WWC2: variants seen among roughly 807,000 people sequenced by gnomAD.
WWC2 encodes WW and C2 domain containing 2.
WWC2 carries 101 observed loss-of-function variants against 138.5 expected under a neutral mutation model. The ratio of observed to expected loss-of-function variants is 0.73; its 90% CI spans 0.62 to 0.86. WWC2 has a LOEUF of 0.86. WWC2 is among the 40% of genes least tolerant of loss of function. The pLI is 0.00. For missense variants in WWC2, 1,420 were observed against 1,419.4 expected (o/e 1.00, Z -0.01); for synonymous variants, 558 against 538.4 (o/e 1.04, Z -0.50).
chr4:183,120,237 T>G (rs905489051), intron 1 of WWC2, among the ~76,000 whole-genome samples: 3 of 152,224 alleles, frequency 2.0e-5, no homozygotes, highest in Non-Finnish European at 4.4e-5. Flanking sequence ...TGAAAGGGAA[T>G]GTATATAAAT....
intron 1 of WWC2, among the ~76,000 whole-genome samples, chr4:183,187,732 G>T (rs1159106133): frequency 6.6e-6 from 1 of 151,334 alleles, no homozygotes; most frequent in Non-Finnish European, 1.5e-5. Context: ...AATTAGCTGG[G>T]CGTGGTAGCG....
Position 183,113,007 on chromosome 4 carries a change from T to A in WWC2, c.131+13385T>A, listed in dbSNP as rs539809710. Among the ~76,000 whole-genome samples, 3 of 152,248 alleles carry A rather than the reference T, an allele frequency of 2.0e-5. No individual in the cohort carries two copies. The East Asian group carries it at 5.8e-4, about 30-fold the overall frequency. On this transcript the variant is annotated intron_variant, in intron 1 of 22. Coordinates refer to ENST00000403733, the MANE Select transcript of WWC2 (RefSeq NM_024949.6). ...ATTTAGTTCCGCCGGGCACGGTGGC[T>A]CATGCGTGTAATCCCAGCACTTTGG...
chr4:183,157,096 C>T (rs1733827761), intron 1 of WWC2, among the ~76,000 whole-genome samples: 1 of 152,208 alleles, frequency 6.6e-6, no homozygotes, highest in African/African-American at 2.4e-5. Context: ...ATAGGGCCTT[C>T]TTTCCCCTGG....
chr4:183,099,652 G>C (rs1456035891), intron 1 of WWC2, 30 bp downstream of exon 1: 1 of 1,271,138 alleles, frequency 7.9e-7, no homozygotes. Flanking sequence ...GCGCGGGCCC[G>C]TTCGGACACG....
At chr4:183,146,187 G>A (rs1424259308) in intron 1 of WWC2, among the ~76,000 whole-genome samples, 1 of 152,188 alleles carries the variant, frequency 6.6e-6, no homozygotes, top group African/African-American at 2.4e-5. Flanking sequence ...GAGGGCTCAT[G>A]CCAAGTGGGG....
chr4:183,106,654 AT>A (rs1350015716), intron 1 of WWC2, among the ~76,000 whole-genome samples: 2 of 152,172 alleles, frequency 1.3e-5, no homozygotes, highest in African/African-American at 4.8e-5. Flanking sequence ...TATTCTGGAC[AT>A]TTTATATAAA....
At chr4:183,276,548 A>G (rs905506887) in intron 16 of WWC2, among the ~76,000 whole-genome samples, 4 of 152,090 alleles carry the variant, frequency 2.6e-5, no homozygotes, top group African/African-American at 9.7e-5. Context: ...CAATGCAAAG[A>G]TTTTCAAAGA....
intron 1 of WWC2, among the ~76,000 whole-genome samples, chr4:183,156,504 G>A (rs776041352): frequency 2.0e-5 from 3 of 151,966 alleles, no homozygotes; most frequent in Non-Finnish European, 4.4e-5. Context: ...GCTAGTTTTT[G>A]TATTTTTAGT....
rs559610420 is a variant in WWC2, at chr4:183,274,658, A to C, written c.2562+3417A>C. The stretch of plus-strand genomic sequence containing the variant: ...AACTGGGCTTTTAAAAGTTTTGTTC[A>C]TCATGGCCCCATACAACAACATGAA... On this transcript the variant is annotated intron_variant, in intron 16 of 22. Coordinates refer to ENST00000403733, the MANE Select transcript of WWC2 (RefSeq NM_024949.6). Among the ~76,000 whole-genome samples the C allele has an allele frequency of 3.9e-5, 6 of 152,266 alleles. No individual in the cohort carries two copies. In the South Asian group the frequency reaches 1.2e-3, roughly 32 times the overall value.
intron 1 of WWC2, among the ~76,000 whole-genome samples, chr4:183,163,372 C>A (rs1734015694): frequency 6.6e-6 from 1 of 152,154 alleles, no homozygotes; most frequent in South Asian, 2.1e-4. Flanking sequence ...GTTCTTTCAT[C>A]ACCAGAAGAG....
At chr4:183,205,688 G>T (rs1387787852) in intron 2 of WWC2, among the ~76,000 whole-genome samples, 1 of 152,110 alleles carries the variant, frequency 6.6e-6, no homozygotes, top group Non-Finnish European at 1.5e-5. Flanking sequence ...TCAAAGCTTT[G>T]TTAGGTTAGG....
At chr4:183,261,562 C>T (rs746733249) in intron 11 of WWC2, 30 bp downstream of exon 11, 3 of 1,580,668 alleles carry the variant, frequency 1.9e-6, no homozygotes, top group Non-Finnish European at 2.6e-6. Context: ...TTCATGTATT[C>T]CCTGTTAGTG....
intron 5 of WWC2, among the ~76,000 whole-genome samples, chr4:183,244,569 T>TAA (rs1736713733): frequency 6.6e-6 from 1 of 150,750 alleles, no homozygotes; most frequent in Non-Finnish European, 1.5e-5. Context: ...AGAATAAATA[T>TAA]TATATATATA....
intron 21 of WWC2, among the ~76,000 whole-genome samples, chr4:183,301,963 C>A (rs888669580): frequency 1.3e-5 from 2 of 152,198 alleles, no homozygotes; most frequent in Non-Finnish European, 2.9e-5. Context: ...CTTTCCCTCA[C>A]TTAATTCTAA....
intron 1 of WWC2, among the ~76,000 whole-genome samples, chr4:183,142,786 C>T (rs1733339703): frequency 6.6e-6 from 1 of 152,250 alleles, no homozygotes; most frequent in Non-Finnish European, 1.5e-5. Context: ...TTACATTCAG[C>T]AGCAGGCTAA....
chr4:183,124,536 C>CTTT (rs370409813), intron 1 of WWC2, among the ~76,000 whole-genome samples: 8 of 122,802 alleles, frequency 6.5e-5, no homozygotes, highest in African/African-American at 1.6e-4. Flanking sequence ...TCCTTTTTCT[C>CTTT]TTTTTTTTTT....
chr4:183,213,216 CTG>C (rs1218125662), intron 4 of WWC2, among the ~76,000 whole-genome samples: 1 of 152,218 alleles, frequency 6.6e-6, no homozygotes, highest in African/African-American at 2.4e-5. Context: ...TGTTTGGTAT[CTG>C]TGTCCGTTTT....
intron 4 of WWC2, among the ~76,000 whole-genome samples, chr4:183,220,589 C>T (rs1409360425): frequency 6.7e-6 from 1 of 149,964 alleles, no homozygotes; most frequent in African/African-American, 2.5e-5. Flanking sequence ...AATTCCAGCA[C>T]TTTGGGAGGT....
intron 1 of WWC2, among the ~76,000 whole-genome samples, chr4:183,142,213 C>G (rs1459508121): frequency 2.6e-5 from 4 of 152,142 alleles, no homozygotes; most frequent in Non-Finnish European, 4.4e-5. Context: ...AGGGTGACAC[C>G]CCCTGGTTCT....
Sources: gnomAD v4.1 joint callset for allele counts (sites outside exome capture counted in the v4.1 genomes callset) on GRCh38, gnomAD v4.1.1 for gene constraint, MANE v1.5 for transcripts, NCBI Gene and HGNC (gene_info 2026-07-23, HGNC 2026-07-21) for gene names.